Variants in SLC7A1 observed in about 807,000 individuals in gnomAD.
SLC7A1 encodes the protein solute carrier family 7 member 1.
In SLC7A1, 10 loss-of-function variants were observed where a neutral mutation model predicts 53.9. That is an observed-to-expected ratio of 0.19 (90% CI 0.11 to 0.31). The LOEUF (loss-of-function observed/expected upper bound fraction) is 0.31, where lower values mean the gene tolerates loss of function less well. Among genes scored for constraint, SLC7A1 ranks in the 10% least tolerant of loss-of-function variants. The pLI is 1.00. For missense variants in SLC7A1, 525 were observed against 827.2 expected (o/e 0.63, Z 4.48); for synonymous variants, 342 against 338.7 (o/e 1.01, Z -0.11).
chr13:29,564,696 C>T (rs1870894866), intron 1 of SLC7A1, among the ~76,000 whole-genome samples: 1 of 152,148 alleles, frequency 6.6e-6, no homozygotes, highest in Non-Finnish European at 1.5e-5. Context: ...GATATCAATC[C>T]CTGCTCAACC....
intron 3 of SLC7A1, among the ~76,000 whole-genome samples, chr13:29,534,999 G>A (rs889697577): frequency 6.6e-6 from 1 of 152,174 alleles, no homozygotes; most frequent in Non-Finnish European, 1.5e-5. Flanking sequence ...TTGCTGGGTG[G>A]ATGTGTTACA....
intron 2 of SLC7A1, among the ~76,000 whole-genome samples, chr13:29,553,008 G>A (rs1363215184): frequency 1.3e-5 from 2 of 152,186 alleles, no homozygotes; most frequent in African/African-American, 4.8e-5. Flanking sequence ...CAGCCTCACT[G>A]GCCAGCCTTG....
At chr13:29,529,368 G>A (rs1272245662) in intron 5 of SLC7A1, among the ~76,000 whole-genome samples, 1 of 152,224 alleles carries the variant, frequency 6.6e-6, no homozygotes, top group Non-Finnish European at 1.5e-5. Flanking sequence ...ATACGTGACT[G>A]CTAAGATTCC....
chr13:29,552,578 C>T (rs986257443), intron 2 of SLC7A1, among the ~76,000 whole-genome samples: 3 of 152,134 alleles, frequency 2.0e-5, no homozygotes, highest in Non-Finnish European at 4.4e-5. Context: ...ACACCTGGCC[C>T]ACCGAGGATG....
chr13:29,555,641 A>T (rs993048961), intron 1 of SLC7A1, among the ~76,000 whole-genome samples: 1 of 151,626 alleles, frequency 6.6e-6, no homozygotes, highest in Non-Finnish European at 1.5e-5. Flanking sequence ...TGGGATTCGT[A>T]GTTTAAAAAG....
At chr13:29,585,765 G>A (rs770294329) in intron 1 of SLC7A1, among the ~76,000 whole-genome samples, 1 of 152,210 alleles carries the variant, frequency 6.6e-6, no homozygotes, top group Non-Finnish European at 1.5e-5. Flanking sequence ...TCTCACCAGA[G>A]AGGAAAGGAC....
chr13:29,537,553 T>C (rs1869478062), intron 2 of SLC7A1, among the ~76,000 whole-genome samples: 1 of 152,178 alleles, frequency 6.6e-6, no homozygotes, highest in Admixed American at 6.5e-5. Flanking sequence ...AATATGGATG[T>C]CAGTTAGTGA....
intron 1 of SLC7A1, among the ~76,000 whole-genome samples, chr13:29,583,606 G>A (rs1871748326): frequency 6.6e-6 from 1 of 152,166 alleles, no homozygotes; most frequent in Non-Finnish European, 1.5e-5. Flanking sequence ...TTGGATTTGT[G>A]CAGAGAGCTT....
At chr13:29,549,585 CT>C (rs1359793515) in intron 2 of SLC7A1, among the ~76,000 whole-genome samples, 1 of 152,208 alleles carries the variant, frequency 6.6e-6, no homozygotes, top group Non-Finnish European at 1.5e-5. Flanking sequence ...AAAATTGTTC[CT>C]TTTTTGGTTA....
intron 3 of SLC7A1, among the ~76,000 whole-genome samples, chr13:29,533,203 T>G (rs1312420854): frequency 1.3e-5 from 2 of 152,150 alleles, no homozygotes; most frequent in Non-Finnish European, 2.9e-5. Flanking sequence ...GCACTTCACA[T>G]CCTACCCAAT....
intron 1 of SLC7A1, among the ~76,000 whole-genome samples, chr13:29,574,073 C>G (rs1871308397): frequency 6.6e-6 from 1 of 152,200 alleles, no homozygotes; most frequent in African/African-American, 2.4e-5. Context: ...TTAAATGTTT[C>G]AGAGACACCA....
chr13:29,531,567 G>A (rs1344942071), intron 4 of SLC7A1, among the ~76,000 whole-genome samples: 3 of 152,144 alleles, frequency 2.0e-5, no homozygotes, highest in Non-Finnish European at 4.4e-5. Context: ...GGCTAGGTGC[G>A]GTCGCTCACG....
At chr13:29,520,548 T>C (rs1483951594) in intron 8 of SLC7A1, among the ~76,000 whole-genome samples, 1 of 152,224 alleles carries the variant, frequency 6.6e-6, no homozygotes, top group East Asian at 1.9e-4. Flanking sequence ...TGAACATCTT[T>C]TGTGAGCGTT....
intron 7 of SLC7A1, among the ~76,000 whole-genome samples, chr13:29,522,964 T>TCAAACAG (rs1868698877): frequency 6.6e-6 from 1 of 152,182 alleles, no homozygotes; most frequent in Non-Finnish European, 1.5e-5. Context: ...AATATGGTGT[T>TCAAACAG]CAAACAGCGG....
In SLC7A1 at chr13:29,560,838, G is replaced by A. The variant is rs1870724327; in HGVS notation, c.-114-6978C>T. On this transcript the variant is annotated intron_variant, in intron 1 of 12. Transcript: ENST00000380752. ...TTACAGTGGACACCTGGCAGGCCAA[G>A]AGAAAATCCGGGCATAAAATAACCC... 2.0e-5 allele frequency among the ~76,000 whole-genome samples: 3 copies of A among 152,188 alleles called. No individual in the cohort carries two copies. The South Asian group carries it at 6.2e-4, about 31-fold the overall frequency.
intron 9 of SLC7A1, among the ~76,000 whole-genome samples, chr13:29,519,216 C>T (rs1020304456): frequency 1.3e-5 from 2 of 152,092 alleles, no homozygotes; most frequent in East Asian, 1.9e-4. Context: ...CAACATTTAG[C>T]CATAAAAATG....
intron 1 of SLC7A1, among the ~76,000 whole-genome samples, chr13:29,560,023 T>A (rs1196192317): frequency 2.0e-5 from 3 of 152,210 alleles, no homozygotes; most frequent in African/African-American, 4.8e-5. Context: ...ACCTTTTTTT[T>A]AAAACTCTTA....
chr13:29,530,444 T>C (rs1290477617), intron 5 of SLC7A1, 94 bp downstream of exon 5: 11 of 1,133,476 alleles, frequency 9.7e-6, no homozygotes, highest in Non-Finnish European at 1.4e-5. Context: ...TAATGTTTTC[T>C]TAAAAGCACA....
At chr13:29,589,995 C>G (rs1566280054) in intron 1 of SLC7A1, among the ~76,000 whole-genome samples, 2 of 152,210 alleles carry the variant, frequency 1.3e-5, no homozygotes, top group Admixed American at 6.5e-5. Flanking sequence ...TCTTACCTAG[C>G]CCCAGGGCCC....
Sources: gnomAD v4.1 joint callset for allele counts (sites outside exome capture counted in the v4.1 genomes callset) on GRCh38, gnomAD v4.1.1 for gene constraint, MANE v1.5 for transcripts, NCBI Gene and HGNC (gene_info 2026-07-23, HGNC 2026-07-21) for gene names.